Variants in KIAA0408 observed in about 807,000 individuals in gnomAD.
KIAA0408 encodes uncharacterized protein KIAA0408.
A neutral mutation model predicts 60.9 loss-of-function variants in KIAA0408; 51 were observed. The ratio of observed to expected loss-of-function variants is 0.84; its 90% CI spans 0.67 to 1.06. KIAA0408 has a LOEUF of 1.06. Ranked by LOEUF, KIAA0408 falls within the 50% of genes least tolerant of loss-of-function variation. The pLI is 0.00. For synonymous variants in KIAA0408, 304 were observed against 282.4 expected (o/e 1.08, Z -0.77); for missense variants, 787 against 833.9 (o/e 0.94, Z 0.69).
intron 2 of KIAA0408, among the ~76,000 whole-genome samples, chr6:127,452,981 A>C (rs139934415): frequency 3.9e-5 from 6 of 152,212 alleles, no homozygotes; most frequent in African/African-American, 1.4e-4. Flanking sequence ...TTTTATTCAC[A>C]GTCAATTACA....
At position 127,449,884 on chromosome 6, in the gene KIAA0408, C is replaced by T. The variant is rs747410345; in HGVS notation, c.516G>A (p.Ala172=). The change falls in exon 4 of 6, where the codon GCG becomes GCA. Residue 172 remains alanine, a synonymous_variant. Transcript: ENST00000483725. ...GALSTALEEL[A]KVSEELCSFQ... ...AGCTGCATAATTCTTCACTCACCTT[C>T]GCAAGTTCTTCAAGAGCCTTTACAC... is the stretch of plus-strand genomic sequence containing the variant. 2.0e-5 allele frequency: 33 copies of T among 1,613,926 alleles called. No homozygotes were observed. The highest frequency in any genetic ancestry group is 9.3e-5 in the African/African-American group (7 of 74,920).
At chr6:127,452,691 T>C (rs1773321832) in intron 2 of KIAA0408, among the ~76,000 whole-genome samples, 1 of 152,062 alleles carries the variant, frequency 6.6e-6, no homozygotes, top group Non-Finnish European at 1.5e-5. Context: ...TCCCAAACAT[T>C]TGGAAGGCAA....
intron 5 of KIAA0408, among the ~76,000 whole-genome samples, chr6:127,445,733 A>AT (rs1475315955): frequency 6.6e-6 from 1 of 152,190 alleles, no homozygotes; most frequent in African/African-American, 2.4e-5. Context: ...ACTAATGAAG[A>AT]TTAAACTCTT....
Position 127,443,955 on chromosome 6 carries a change from A to T in KIAA0408, c.*154T>A. 2 of 650,488 alleles carry T rather than the reference A, an allele frequency of 3.1e-6. No homozygotes were observed. Among genetic ancestry groups the T allele is most frequent in the Non-Finnish European group, 5.1e-6 (2 of 391,160 alleles). 40.3% of individuals were successfully genotyped at this position (650,488 alleles called of 1,614,324 possible). On this transcript the variant is annotated 3_prime_UTR_variant, in exon 6 of 6. Coordinates refer to ENST00000483725, the MANE Select transcript of KIAA0408 (RefSeq NM_014702.5). Reference sequence around the variant, plus strand: ...CTAAGAAATCAAAATGCAGGAAGATAATTATTCCTTAGATTAAAAACACTG... The same window carrying T: ...CTAAGAAATCAAAATGCAGGAAGATTATTATTCCTTAGATTAAAAACACTG...
In KIAA0408 at chr6:127,447,185, A is replaced by G. The variant is rs775478791; in HGVS notation, c.1134T>C (p.Phe378=). The change falls in exon 5 of 6, where the codon TTT becomes TTC. Residue 378 remains phenylalanine (F), a synonymous_variant. Transcript: ENST00000483725. ...TACTGGGGGTAGAGCAGGTTTTCTG[A>G]AACCACGAAGTAGAGGGGCTCCTTT... ...GAKRSPSTSW[F]QKTCSTPSNP... 6.2e-7 allele frequency: 1 copy of G among 1,612,376 alleles called. No homozygotes were observed. Among genetic ancestry groups the G allele is most frequent in the Non-Finnish European group, 8.5e-7 (1 of 1,179,386 alleles).
rs750182302 is a variant in KIAA0408, at chr6:127,447,755, A to C, written c.579-15T>G. ...CTGACTTCATCCTAAACAATGATAA[A>C]ACATGGTGTATTGGTTATAACTTTA... On this transcript the variant is annotated splice_polypyrimidine_tract_variant and intron_variant, in intron 4 of 5. Coordinates refer to ENST00000483725, the MANE Select transcript of KIAA0408 (RefSeq NM_014702.5). 6.6e-7 allele frequency: 1 copy of C among 1,524,890 alleles called. No homozygotes were observed. The highest frequency in any genetic ancestry group is 8.7e-7 in the Non-Finnish European group (1 of 1,142,966). 94.5% of individuals were successfully genotyped at this position (1,524,890 alleles called of 1,614,324 possible).
rs1773147308 is a variant in KIAA0408, at chr6:127,444,106, G to C, written c.*3C>G. 6.2e-7 allele frequency: 1 copy of C among 1,613,716 alleles called. No individual in the cohort carries two copies. On this transcript the variant is annotated 3_prime_UTR_variant, in exon 6 of 6. Transcript: ENST00000483725. Reference sequence around the variant, plus strand: ...CTGTAATATAGCAATCCAGGCCAAAGACTTAAACCATCAATGCTTCGGATC... The same window carrying C: ...CTGTAATATAGCAATCCAGGCCAAACACTTAAACCATCAATGCTTCGGATC...
Position 127,456,245 on chromosome 6 carries a change from T to C in KIAA0408, c.-120-2144A>G, listed in dbSNP as rs115650249. Among the ~76,000 whole-genome samples, 1,111 of 152,326 alleles carry C rather than the reference T, an allele frequency of 7.3e-3. 11 individuals are homozygous for C. Among genetic ancestry groups the C allele is most frequent in the African/African-American group, 0.025 (1,041 of 41,576 alleles). On this transcript the variant is annotated intron_variant, in intron 1 of 5. Transcript: ENST00000483725. Reference sequence around the variant, plus strand: ...GAAAAGAGGAGCTATGATAAATCCATGTTTTATCCCAACTGTCTTTAAACA... The same window carrying C: ...GAAAAGAGGAGCTATGATAAATCCACGTTTTATCCCAACTGTCTTTAAACA...
rs1174400460 is a variant in KIAA0408 at position 127,444,167 on chromosome 6, A to G, written c.2027T>C (p.Leu676Ser). 1.1e-5 allele frequency: 18 copies of G among 1,613,838 alleles called. No homozygotes were observed. The highest frequency in any genetic ancestry group is 1.4e-5 in the Non-Finnish European group (16 of 1,179,968). Residue 676 changes from leucine to serine, a missense_variant, in exon 6 of 6, where the codon TTG becomes TCG. Leu to Ser is a moderately radical substitution (Grantham distance 145). Around this residue, in one of 3 missense-constraint regions of KIAA0408, gnomAD observed 133 missense variants for 119.2 expected, o/e 1.12. Coordinates refer to ENST00000483725, the MANE Select transcript of KIAA0408 (RefSeq NM_014702.5). ...GGTATAGTTGTGGGTAGTTCTCCGC[A>G]AGGCAGGGGGTGCAGATGGAGATCT... ...ASRSPSAPPA[L>S]RRTTHNYTIS...
Position 127,446,450 on chromosome 6 carries a change from T to C in KIAA0408, c.1869A>G (p.Gly623=), listed in dbSNP as rs1773195094. ...GATCTATTCCTTGCTTCACTTCCTG[T>C]CCCCCCCACACAGCTGTCTTTTGCT... ...QFQQKTAVWG[G]QEVKQGIDPK... Residue 623 remains glycine (G), a synonymous_variant, in exon 5 of 6, where the codon GGA becomes GGG. Coordinates refer to ENST00000483725, the MANE Select transcript of KIAA0408 (RefSeq NM_014702.5). The C allele has an allele frequency of 6.2e-7, 1 of 1,612,878 alleles. No homozygotes were observed. The highest frequency in any genetic ancestry group is 8.5e-7 in the Non-Finnish European group (1 of 1,179,040).
chr6:127,453,542 T>C lies in KIAA0408; in HGVS notation c.135+305A>G, dbSNP rs549380712. Among the ~76,000 whole-genome samples, 3 of 152,182 alleles carry C rather than the reference T, an allele frequency of 2.0e-5. No homozygotes were observed. In the East Asian group the frequency reaches 5.8e-4, roughly 29 times the overall value. On this transcript the variant is annotated intron_variant, in intron 2 of 5. Coordinates refer to ENST00000483725, the MANE Select transcript of KIAA0408 (RefSeq NM_014702.5). Reference sequence around the variant, plus strand: ...TCTTGCATTTTACTCCTGGACCTGGTATTTGAAAATTCATGCAAAATACAT... The same window carrying C: ...TCTTGCATTTTACTCCTGGACCTGGCATTTGAAAATTCATGCAAAATACAT...
At position 127,446,463 on chromosome 6, in the gene KIAA0408, G is replaced by A; in HGVS notation, c.1856C>T (p.Ala619Val). 1.2e-6 allele frequency: 2 copies of A among 1,613,836 alleles called. No individual in the cohort carries two copies. Among genetic ancestry groups the A allele is most frequent in the Non-Finnish European group, 1.7e-6 (2 of 1,179,842 alleles). ...QMEQQFQQKTAVWGGQEVKQG... is the reference protein window; with the variant it reads ...QMEQQFQQKTVVWGGQEVKQG... Reference sequence around the variant, plus strand: ...CTTCACTTCCTGTCCCCCCCACACAGCTGTCTTTTGCTGAAACTGTTGTTC... The same window carrying A: ...CTTCACTTCCTGTCCCCCCCACACAACTGTCTTTTGCTGAAACTGTTGTTC... The change falls in exon 5 of 6, where the codon GCT becomes GTT. Residue 619 changes from alanine to valine, a missense_variant. Ala to Val is a moderately conservative substitution (Grantham distance 64). Transcript: ENST00000483725.
chr6:127,457,362 G>T (rs1252199742), intron 1 of KIAA0408, among the ~76,000 whole-genome samples: 2 of 152,120 alleles, frequency 1.3e-5, no homozygotes, highest in Non-Finnish European at 2.9e-5. Flanking sequence ...AGTTCTTTTT[G>T]TTCCTAGTTG....
intron 2 of KIAA0408, chr6:127,451,395 T>C: frequency 2.3e-6 from 1 of 439,212 alleles, no homozygotes; most frequent in Non-Finnish European, 4.6e-6. Flanking sequence ...CAGGATAGCA[T>C]CAAACTGCAG....
At chr6:127,454,351 G>A (rs1002645303) in intron 1 of KIAA0408, 1 of 167,080 alleles carries the variant, frequency 6.0e-6, no homozygotes, top group Non-Finnish European at 1.3e-5. Flanking sequence ...AAATGCGCAT[G>A]TGAGATGTAA....
chr6:127,451,417 T>A, intron 2 of KIAA0408: 1 of 419,698 alleles, frequency 2.4e-6, no homozygotes. Context: ...CATGAATTGA[T>A]TGTTTGGTCC....
Position 127,444,215 on chromosome 6 carries a change from C to T in KIAA0408, c.1979G>A (p.Arg660His), listed in dbSNP as rs150329243. The change falls in exon 6 of 6, where the codon CGT becomes CAT. Residue 660 changes from arginine to histidine, a missense_variant. By Grantham distance (29) the Arg-to-His change is conservative. Transcript: ENST00000483725. ...TCTGGATGCCCATCTGGAGGGGAGA[C>T]GACGATTTGCTGGTCTAGCAGGTCG... ...FSRPARPANR[R>H]LPSRWASRSP... The T allele has an allele frequency of 7.4e-4, 1,200 of 1,613,170 alleles. 21 individuals are homozygous for T. The South Asian group carries it at 0.012, about 16-fold the overall frequency.
chr6:127,455,474 A>G (rs1773376433), intron 1 of KIAA0408, among the ~76,000 whole-genome samples: 1 of 152,204 alleles, frequency 6.6e-6, no homozygotes, highest in Non-Finnish European at 1.5e-5. Flanking sequence ...GAACATACAT[A>G]TCTGACTAGT....
rs1228637724 is a variant in KIAA0408 at position 127,447,027 on chromosome 6, C to G, written c.1292G>C (p.Arg431Thr). 6.2e-7 allele frequency: 1 copy of G among 1,613,228 alleles called. No homozygotes were observed. Among genetic ancestry groups the G allele is most frequent in the East Asian group, 2.2e-5 (1 of 44,880 alleles). The change falls in exon 5 of 6, where the codon AGG becomes ACG. Residue 431 changes from arginine (R) to threonine (T), a missense_variant. Physicochemically the swap from Arg to Thr is moderately conservative, Grantham distance 71. Around this residue, in one of 3 missense-constraint regions of KIAA0408, gnomAD observed 640 missense variants for 681.3 expected, o/e 0.94. Transcript: ENST00000483725. ...PLRNFSCGFE[R>T]TTRNEKLAAK... ...TGCCAGCTTCTCATTCCTTGTAGTC[C>G]TTTCAAAGCCACAACTGAAATTTCT...
Sources: gnomAD v4.1 joint callset for allele counts (sites outside exome capture counted in the v4.1 genomes callset) on GRCh38, gnomAD v4.1.1 for gene constraint, gnomAD v4.1.1 regional missense constraint, MANE v1.5 for transcripts, NCBI Gene and HGNC (gene_info 2026-07-23, HGNC 2026-07-21) for gene names.